Variants in ANKRD36 observed in about 807,000 individuals in gnomAD.
The protein encoded by ANKRD36 is ankyrin repeat domain-containing protein 36A.
In ANKRD36, 179 loss-of-function variants were observed where a neutral mutation model predicts 278.1. That is an observed-to-expected ratio of 0.64 (90% CI 0.57 to 0.73). ANKRD36 has a LOEUF of 0.73. Ranked by LOEUF, ANKRD36 falls within the 30% of genes least tolerant of loss-of-function variation. The probability of loss-of-function intolerance (pLI) is 0.00; values close to 1 mark genes in which losing one functional copy is unlikely to be tolerated. For synonymous variants in ANKRD36, 320 were observed against 641.1 expected (o/e 0.50, Z 7.57); for missense variants, 1,159 against 1,956.7 (o/e 0.59, Z 7.69).
intron 22 of ANKRD36, among the ~76,000 whole-genome samples, chr2:97,169,211 A>T (rs1214766306): frequency 6.6e-6 from 1 of 152,234 alleles, no homozygotes; most frequent in Non-Finnish European, 1.5e-5. Context: ...ATGATCAGTG[A>T]TCATGAGCCT....
chr2:97,123,055 A>T (rs749262436), intron 4 of ANKRD36, 62 bp downstream of exon 4: 13 of 1,306,812 alleles, frequency 9.9e-6, no homozygotes, highest in Non-Finnish European at 1.3e-5. Context: ...GTGTGGTAGC[A>T]GTCCCTCAAG....
In ANKRD36 at chr2:97,260,379, T is replaced by TATATATATATATACAC. The variant is rs1315601255; in HGVS notation, c.*7-3949_*7-3948insTATATATATATACACA. Among the ~76,000 whole-genome samples the TATATATATATATACAC allele has an allele frequency of 5.0e-4, 61 of 121,220 alleles. 1 individual carries two copies. The highest frequency in any genetic ancestry group is 1.9e-3 in the African/African-American group (59 of 30,994). 79.5% of individuals were successfully genotyped at this position (121,220 alleles called of 152,430 possible). On this transcript the variant is annotated intron_variant, in intron 75 of 75. Coordinates refer to ENST00000420699, the MANE Select transcript of ANKRD36 (RefSeq NM_001354587.1). ...ATATATATATATATATATATATATA[T>TATATATATATATACAC]ACACACATATATACATACACACACA...
intron 15 of ANKRD36, among the ~76,000 whole-genome samples, chr2:97,156,420 T>C (rs1407941932): frequency 8.7e-5 from 12 of 137,264 alleles, no homozygotes; most frequent in Non-Finnish European, 3.3e-5. Flanking sequence ...CCTTCCTGTG[T>C]CCATGTGATC....
Position 97,209,829 on chromosome 2 carries a change from G to T in ANKRD36, c.3324G>T (p.Leu1108Phe), listed in dbSNP as rs750193994. The T allele has an allele frequency of 4.4e-6, 7 of 1,597,206 alleles. No homozygotes were observed. Among genetic ancestry groups the T allele is most frequent in the Non-Finnish European group, 5.1e-6 (6 of 1,174,400 alleles). The part of the protein sequence containing the change: ...KATSDEKDSV[L>F]YIAREKKDGE... ...CAAGTGACGAGAAAGATTCTGTTTT[G>T]TATATAGCCAGAGAAAAAAAGGATG... The change falls in exon 56 of 76, where the codon TTG becomes TTT. Residue 1108 changes from leucine (L) to phenylalanine (F), a missense_variant. By Grantham distance (22) the Leu-to-Phe change is conservative. Coordinates refer to ENST00000420699, the MANE Select transcript of ANKRD36 (RefSeq NM_001354587.1).
chr2:97,245,499 C>T lies in ANKRD36; in HGVS notation c.4834C>T (p.Arg1612Ter), dbSNP rs375517309. ...ATACCATTGTAGACTGAATGCTGCT[C>T]GATGTGATCATGATCAAAGTCACTC... ...QSYHCRLNAA[R>*]CDHDQSHSSK... The change falls in exon 71 of 76, where the codon CGA (arginine) becomes TGA (stop). Residue 1612 changes from arginine (R) to a stop codon, truncating the protein, a stop_gained. Coordinates refer to ENST00000420699, the MANE Select transcript of ANKRD36 (RefSeq NM_001354587.1). LOFTEE classifies it high-confidence loss of function. 39 of 1,612,722 alleles carry T rather than the reference C, an allele frequency of 2.4e-5. No individual in the cohort carries two copies. Among genetic ancestry groups the T allele is most frequent in the Middle Eastern group, 1.7e-4 (1 of 6,030 alleles).
intron 30 of ANKRD36, among the ~76,000 whole-genome samples, chr2:97,186,673 A>G (rs2057467060): frequency 1.3e-5 from 2 of 151,888 alleles, no homozygotes; most frequent in South Asian, 4.2e-4. Context: ...AAGCTGATCA[A>G]TTTAGGACAC....
chr2:97,117,259 T>TA lies in ANKRD36; in HGVS notation c.198-802dup, dbSNP rs543971034. Among the ~76,000 whole-genome samples the TA allele has an allele frequency of 7.9e-5, 12 of 151,786 alleles. No homozygotes were observed. In the Middle Eastern group the frequency reaches 0.01, roughly 129 times the overall value. On this transcript the variant is annotated intron_variant, in intron 1 of 75. Coordinates refer to ENST00000420699, the MANE Select transcript of ANKRD36 (RefSeq NM_001354587.1). Reference sequence around the variant, plus strand: ...GTTTTCTTTGGATTATTTTTTTTTTTAAATTGAAGTGAGAATTACTTTGTT... The same window carrying TA: ...GTTTTCTTTGGATTATTTTTTTTTTTAAAATTGAAGTGAGAATTACTTTGTT...
chr2:97,146,194 T>A (rs1460284916), intron 10 of ANKRD36, among the ~76,000 whole-genome samples: 5 of 151,988 alleles, frequency 3.3e-5, no homozygotes, highest in African/African-American at 1.2e-4. Flanking sequence ...CTTGAACTCC[T>A]GACCTCAAGT....
In ANKRD36 at chr2:97,118,112, T is replaced by A. The variant is rs781139830; in HGVS notation, c.246T>A (p.His82Gln). ...ACATGQPEMV[H>Q]LLVSRRCELN... ...CCACTGGCCAACCGGAAATGGTACATCTCCTGGTGTCCAGAAGATGTGAGC... is the reference window on the plus strand; with the variant it reads ...CCACTGGCCAACCGGAAATGGTACAACTCCTGGTGTCCAGAAGATGTGAGC... The change falls in exon 2 of 76, where the codon CAT becomes CAA. Residue 82 changes from histidine to glutamine, a missense_variant. Physicochemically the swap from His to Gln is conservative, Grantham distance 24. Transcript: ENST00000420699. 6.4e-6 allele frequency: 10 copies of A among 1,558,566 alleles called. 1 individual carries two copies. The South Asian group carries it at 9.5e-5, about 15-fold the overall frequency.
In ANKRD36 at chr2:97,154,787, T is replaced by G. The variant is rs1431588463; in HGVS notation, c.1260+46T>G. The stretch of plus-strand genomic sequence containing the variant: ...ATTAATTTTCTCATTCTGAATCTCA[T>G]TTTTTGTATTATTTTCTTCTAGCAA... On this transcript the variant is annotated intron_variant, in intron 15 of 75. Coordinates refer to ENST00000420699, the MANE Select transcript of ANKRD36 (RefSeq NM_001354587.1). 4 of 1,384,930 alleles carry G rather than the reference T, an allele frequency of 2.9e-6. 2 individuals carry two copies. Among genetic ancestry groups the G allele is most frequent in the Non-Finnish European group, 2.0e-6 (2 of 1,022,716 alleles). 85.8% of individuals were successfully genotyped at this position (1,384,930 alleles called of 1,614,324 possible).
At chr2:97,233,585 A>G (rs1278752128) in intron 67 of ANKRD36, 145 bp from the exon 68 acceptor site, 1 of 1,412,230 alleles carries the variant, frequency 7.1e-7, no homozygotes, top group Non-Finnish European at 9.5e-7. Context: ...GAGTCAACAT[A>G]AAGGAAATTG....
At chr2:97,193,955 T>C (rs1362269044) in intron 38 of ANKRD36, among the ~76,000 whole-genome samples, 1 of 151,690 alleles carries the variant, frequency 6.6e-6, no homozygotes. Flanking sequence ...CAGTGATTTC[T>C]GAATGAAAAA....
intron 68 of ANKRD36, among the ~76,000 whole-genome samples, chr2:97,234,901 A>G (rs1386274695): frequency 3.8e-5 from 5 of 132,584 alleles, no homozygotes; most frequent in Admixed American, 1.6e-4. Flanking sequence ...ATAATTCTGT[A>G]TGTATTTGGA....
intron 6 of ANKRD36, among the ~76,000 whole-genome samples, chr2:97,129,545 C>T (rs2039521512): frequency 6.6e-6 from 1 of 152,066 alleles, no homozygotes; most frequent in South Asian, 2.1e-4. Context: ...AAGTCCTTGC[C>T]CATGCCTATG....
intron 28 of ANKRD36, 49 bp from the exon 29 acceptor site, chr2:97,185,267 C>G: frequency 6.4e-7 from 1 of 1,568,808 alleles, no homozygotes; most frequent in Non-Finnish European, 8.8e-7. Context: ...GTATAGATAA[C>G]TTTATCATAT....
intron 1 of ANKRD36, among the ~76,000 whole-genome samples, chr2:97,117,211 A>C (rs1230786747): frequency 6.6e-6 from 1 of 152,058 alleles, no homozygotes; most frequent in African/African-American, 2.4e-5. Context: ...AAAATGGGCC[A>C]TACCTATTCA....
At chr2:97,137,178 A>G (rs1374697551) in intron 6 of ANKRD36, among the ~76,000 whole-genome samples, 1 of 151,678 alleles carries the variant, frequency 6.6e-6, no homozygotes, top group African/African-American at 2.4e-5. Context: ...ATGAAGTCTC[A>G]CTTTGTCACC....
Position 97,211,672 on chromosome 2 carries a change from A to T in ANKRD36, c.3400A>T (p.Ile1134Phe). ...TTTTGTTTCAAATTCTATTCAGGCTATCTGTGACAAGGAAGATTCTGTTCC... is the reference window on the plus strand; with the variant it reads ...TTTTGTTTCAAATTCTATTCAGGCTTTCTGTGACAAGGAAGATTCTGTTCC... ...SSPKQPALKA[I>F]CDKEDSVPNM... is the part of the protein sequence containing the mutation. The change falls in exon 58 of 76, where the codon ATC becomes TTC. Residue 1134 changes from isoleucine (I) to phenylalanine (F), a missense_variant. Coordinates refer to ENST00000420699, the MANE Select transcript of ANKRD36 (RefSeq NM_001354587.1). 1 of 1,593,740 alleles carries T rather than the reference A, an allele frequency of 6.3e-7. No individual in the cohort carries two copies. Among genetic ancestry groups the T allele is most frequent in the Non-Finnish European group, 8.5e-7 (1 of 1,171,376 alleles).
intron 22 of ANKRD36, among the ~76,000 whole-genome samples, chr2:97,174,516 T>C (rs2053637318): frequency 6.6e-6 from 1 of 151,818 alleles, no homozygotes; most frequent in African/African-American, 2.4e-5. Flanking sequence ...GCTTTGTTTT[T>C]CAAGGAGCTA....
Sources: allele counts gnomAD v4.1 joint callset (sites outside exome capture counted in the v4.1 genomes callset), GRCh38; gene constraint gnomAD v4.1.1; transcripts MANE v1.5; gene names NCBI Gene and HGNC (gene_info 2026-07-23, HGNC 2026-07-21).